CSNK1D: variants seen among roughly 807,000 people sequenced by gnomAD.
CSNK1D encodes casein kinase I isoform delta.
A neutral mutation model predicts 46.6 loss-of-function variants in CSNK1D; 16 were observed. That is an observed-to-expected ratio of 0.34 (90% CI 0.23 to 0.52). The LOEUF (loss-of-function observed/expected upper bound fraction) is 0.52, where lower values mean the gene tolerates loss of function less well. Ranked by LOEUF, CSNK1D falls within the 20% of genes least tolerant of loss-of-function variation. The pLI, the probability that CSNK1D is intolerant of heterozygous loss-of-function variation, is 0.95. For missense variants in CSNK1D, 398 were observed against 578.4 expected (o/e 0.69, Z 3.20); for synonymous variants, 276 against 228.2 (o/e 1.21, Z -1.89).
Position 82,265,281 on chromosome 17 carries a change from C to A in CSNK1D, c.187+405G>T, listed in dbSNP as rs112707997. On this transcript the variant is annotated intron_variant, in intron 2 of 8. Coordinates refer to ENST00000314028, the MANE Select transcript of CSNK1D (RefSeq NM_001893.6). ...GCAACCTCTGCCTCCCAGACTCAGGCGATTCTCCTGCCTCAGCCTCCCAAA... is the reference window on the plus strand; with the variant it reads ...GCAACCTCTGCCTCCCAGACTCAGGAGATTCTCCTGCCTCAGCCTCCCAAA... The A allele has an allele frequency of 8.0e-3, 2,504 of 313,566 alleles. 48 individuals carry two copies. The highest frequency in any genetic ancestry group is 0.05 in the African/African-American group (2,312 of 45,828). 19.4% of individuals were successfully genotyped at this position (313,566 alleles called of 1,614,324 possible).
In CSNK1D at chr17:82,244,881, G is replaced by A. The variant is rs772212591; in HGVS notation, c.1198-50C>T. 1.7e-5 allele frequency: 27 copies of A among 1,611,810 alleles called. No homozygotes were observed. In the African/African-American group the frequency reaches 1.7e-4, roughly 10 times the overall value. ...AGGTCAGCATGGGGCTGGGGGAGCC[G>A]GCCAGGCAGATACCACAGTGACGGT... On this transcript the variant is annotated intron_variant, in intron 8 of 8. Transcript: ENST00000314028.
At chr17:82,247,978 G>A (rs1293447348) in intron 8 of CSNK1D, 12 of 985,354 alleles carry the variant, frequency 1.2e-5, no homozygotes, top group Non-Finnish European at 1.4e-5. Context: ...GCTACACCCA[G>A]CCCCGCTCAC....
intron 1 of CSNK1D, 30 bp from the exon 2 acceptor site, chr17:82,265,826 A>C: frequency 6.5e-7 from 1 of 1,536,768 alleles, no homozygotes; most frequent in African/African-American, 1.4e-5. Context: ...CACAACAGGA[A>C]TTACCTGGTA....
rs1457761513 is a variant in CSNK1D at position 82,252,171 on chromosome 17, T to C, written c.736+263A>G. On this transcript the variant is annotated intron_variant, in intron 5 of 8. Coordinates refer to ENST00000314028, the MANE Select transcript of CSNK1D (RefSeq NM_001893.6). The surrounding 1 kb of genome is among the most constrained non-coding windows in gnomAD (Gnocchi z 4.6). ...ATCCCTTTCCAGCCACTTGGGGCCC[T>C]GAGGCTCGGGCCTGCCTTGCCTGCC... Among the ~76,000 whole-genome samples, 1 of 152,192 alleles carries C rather than the reference T, an allele frequency of 6.6e-6. No homozygotes were observed. The highest frequency in any genetic ancestry group is 2.4e-5 in the African/African-American group (1 of 41,442).
chr17:82,259,833 G>GT (rs1365563604), intron 2 of CSNK1D, among the ~76,000 whole-genome samples: 6 of 152,234 alleles, frequency 3.9e-5, no homozygotes, highest in African/African-American at 1.2e-4. Context: ...ACTGCATCGC[G>GT]TAACACTAAA....
At chr17:82,242,293 C>T (rs1263140733), downstream of CSNK1D, among the ~76,000 whole-genome samples, 6 of 152,084 alleles carry the variant, frequency 3.9e-5, no homozygotes, top group Non-Finnish European at 7.4e-5. Flanking sequence ...ACAGCTCAAG[C>T]GACAGGGGGA....
rs1219978998 is a variant in CSNK1D, at chr17:82,273,462, C to T, written c.-81G>A. On this transcript the variant is annotated 5_prime_UTR_variant, in exon 1 of 9. Coordinates refer to ENST00000314028, the MANE Select transcript of CSNK1D (RefSeq NM_001893.6). The surrounding 1 kb of genome is among the most constrained non-coding windows in gnomAD (Gnocchi z 5.1). ...CTGGGAGGCGGCGCCGCTGCTGCCG[C>T]TACTGCGGGTCCGGCTCCCGGCTCC... The T allele has an allele frequency of 6.4e-7, 1 of 1,553,814 alleles. No individual in the cohort carries two copies. Among genetic ancestry groups the T allele is most frequent in the African/African-American group, 1.4e-5 (1 of 72,762 alleles).
chr17:82,244,456 A>G lies in CSNK1D; in HGVS notation c.*325T>C, dbSNP rs1360068445. 3.8e-6 allele frequency: 5 copies of G among 1,331,798 alleles called. No individual in the cohort carries two copies. The East Asian group carries it at 1.6e-4, about 43-fold the overall frequency. 82.5% of individuals were successfully genotyped at this position (1,331,798 alleles called of 1,614,324 possible). A position where few individuals can be genotyped will look rare whatever the true frequency, so the allele number is the denominator to read the frequency against. On this transcript the variant is annotated 3_prime_UTR_variant, in exon 9 of 9. Transcript: ENST00000314028. ...GATTGGTAGTTACAGTGGAATCGTC[A>G]GGGAGTACAGGGCGGCCACCACTGG...
Position 82,248,446 on chromosome 17 carries a change from G to A in CSNK1D, c.1197+429C>T. 2 of 1,033,600 alleles carry A rather than the reference G, an allele frequency of 1.9e-6. No individual in the cohort carries two copies. The highest frequency in any genetic ancestry group is 2.3e-6 in the Non-Finnish European group (2 of 856,804). 64.0% of individuals were successfully genotyped at this position (1,033,600 alleles called of 1,614,324 possible). ...GGGAGGGTCTCACAAGAAGCCCGTG[G>A]AGGTCCCTACGGGCCTCCATCCCTG... On this transcript the variant is annotated intron_variant, in intron 8 of 8. Coordinates refer to ENST00000314028, the MANE Select transcript of CSNK1D (RefSeq NM_001893.6). The surrounding 1 kb of genome is among the most constrained non-coding windows in gnomAD (Gnocchi z 4.1).
chr17:82,255,680 C>G lies in CSNK1D; in HGVS notation c.188-103G>C, dbSNP rs958716597. On this transcript the variant is annotated intron_variant, in intron 2 of 8. Coordinates refer to ENST00000314028, the MANE Select transcript of CSNK1D (RefSeq NM_001893.6). The surrounding 1 kb of genome is among the most constrained non-coding windows in gnomAD (Gnocchi z 5.9). Reference sequence around the variant, plus strand: ...AAGGGGTCATGGTGACAATCCTGAACGGGGGAGGGGTGGTGGAGGTAGAAG... The same window carrying G: ...AAGGGGTCATGGTGACAATCCTGAAGGGGGGAGGGGTGGTGGAGGTAGAAG... 2 of 1,443,226 alleles carry G rather than the reference C, an allele frequency of 1.4e-6. No individual in the cohort carries two copies. The highest frequency in any genetic ancestry group is 1.4e-5 in the African/African-American group (1 of 71,636). The allele number at this position is 1,443,226 out of a possible 1,614,324, so 89.4% of individuals were successfully genotyped here.
In CSNK1D at chr17:82,264,113, A is replaced by T. The variant is rs111544838; in HGVS notation, c.187+1573T>A. 9.3e-4 allele frequency among the ~76,000 whole-genome samples: 142 copies of T among 152,362 alleles called. 1 individual carries two copies. The highest frequency in any genetic ancestry group is 3.2e-3 in the African/African-American group (132 of 41,586). On this transcript the variant is annotated intron_variant, in intron 2 of 8. Coordinates refer to ENST00000314028, the MANE Select transcript of CSNK1D (RefSeq NM_001893.6). ...GATTACGTGCTTGTGCTGAGAAAAG[A>T]TGTCAAAGAATCAAATCAACAGTCC...
intron 3 of CSNK1D, chr17:82,254,809 G>A (rs572333575): frequency 5.8e-5 from 16 of 274,182 alleles, no homozygotes; most frequent in African/African-American, 2.5e-4. Context: ...CTGAGCCGCC[G>A]GGGCCTCGAG....
chr17:82,258,780 C>T (rs1307372444), intron 2 of CSNK1D, among the ~76,000 whole-genome samples: 4 of 152,210 alleles, frequency 2.6e-5, no homozygotes, highest in African/African-American at 9.7e-5. Flanking sequence ...ACTCAGGACT[C>T]CTCTTAACAG....
intron 1 of CSNK1D, chr17:82,272,110 G>T (rs1295139354): frequency 1.3e-5 from 2 of 152,308 alleles, no homozygotes; most frequent in Non-Finnish European, 2.9e-5. Context: ...TCGGGAGGCC[G>T]AACTGGGCGG....
Position 82,249,836 on chromosome 17 carries a change from C to A in CSNK1D, c.886-234G>T. 1 of 1,430,216 alleles carries A rather than the reference C, an allele frequency of 7.0e-7. No homozygotes were observed. Among genetic ancestry groups the A allele is most frequent in the Non-Finnish European group, 9.1e-7 (1 of 1,096,584 alleles). 88.6% of individuals were successfully genotyped at this position (1,430,216 alleles called of 1,614,324 possible). ...CCAACAATCGAAAAAACCCCACTCGCCATGGCATCTCCCTGTGGGCTCAGA... is the reference window on the plus strand; with the variant it reads ...CCAACAATCGAAAAAACCCCACTCGACATGGCATCTCCCTGTGGGCTCAGA... On this transcript the variant is annotated intron_variant, in intron 6 of 8. Coordinates refer to ENST00000314028, the MANE Select transcript of CSNK1D (RefSeq NM_001893.6). The surrounding 1 kb of genome is among the most constrained non-coding windows in gnomAD (Gnocchi z 6.7).
At chr17:82,253,484 A>G in intron 3 of CSNK1D, 1 of 519,620 alleles carries the variant, frequency 1.9e-6, no homozygotes. Flanking sequence ...CCCACAAAAC[A>G]GAGAGGTGAG....
At position 82,242,712 on chromosome 17, in the gene CSNK1D, G is replaced by A. The variant is rs912800674; in HGVS notation, c.*2069C>T. On this transcript the variant is annotated 3_prime_UTR_variant, in exon 9 of 9. Coordinates refer to ENST00000314028, the MANE Select transcript of CSNK1D (RefSeq NM_001893.6). ...ATTTATTATTTACACGATTGTTAAA[G>A]TACACAAATACAGTGGCGATACAAA... 4 of 985,418 alleles carry A rather than the reference G, an allele frequency of 4.1e-6. No individual in the cohort carries two copies. Among genetic ancestry groups the A allele is most frequent in the Non-Finnish European group, 4.8e-6 (4 of 829,862 alleles). The allele number at this position is 985,418 out of a possible 1,614,324, so 61.0% of individuals were successfully genotyped here.
chr17:82,248,576 C>T lies in CSNK1D; in HGVS notation c.1197+299G>A, dbSNP rs1466623431. 5.1e-5 allele frequency: 63 copies of T among 1,237,938 alleles called. No homozygotes were observed. Among genetic ancestry groups the T allele is most frequent in the Non-Finnish European group, 6.3e-5 (62 of 979,266 alleles). 76.7% of individuals were successfully genotyped at this position (1,237,938 alleles called of 1,614,324 possible). A position where few individuals can be genotyped will look rare whatever the true frequency, so the allele number is the denominator to read the frequency against. On this transcript the variant is annotated intron_variant, in intron 8 of 8. Coordinates refer to ENST00000314028, the MANE Select transcript of CSNK1D (RefSeq NM_001893.6). The surrounding 1 kb of genome is among the most constrained non-coding windows in gnomAD (Gnocchi z 4.1). ...GGTGTCAGCTGCCTGGGGACGGCTG[C>T]GGGCAGCGGGGCACTCAAACAGCAG...
In CSNK1D at chr17:82,243,168, C is replaced by T. The variant is rs770182736; in HGVS notation, c.*1613G>A. The T allele has an allele frequency of 5.1e-6, 5 of 985,508 alleles. No individual in the cohort carries two copies. The highest frequency in any genetic ancestry group is 5.2e-4 in the Middle Eastern group (1 of 1,936). 61.0% of individuals were successfully genotyped at this position (985,508 alleles called of 1,614,324 possible). ...AGGATTGAGAAAGCATCCATGGGCT[C>T]AGGCAGACGGCCAGCCAGCTGGTGG... On this transcript the variant is annotated 3_prime_UTR_variant, in exon 9 of 9. Coordinates refer to ENST00000314028, the MANE Select transcript of CSNK1D (RefSeq NM_001893.6).
Sources: gnomAD v4.1 joint callset for allele counts (sites outside exome capture counted in the v4.1 genomes callset) on GRCh38, gnomAD v4.1.1 for gene constraint, Gnocchi (gnomAD v3.1) non-coding constraint, MANE v1.5 for transcripts, NCBI Gene and HGNC (gene_info 2026-07-23, HGNC 2026-07-21) for gene names.